The following PSD3 variants were observed in gnomAD, a reference collection of about 807,000 sequenced individuals.
PSD3 encodes PH and SEC7 domain-containing protein 3.
Under a neutral mutation model 105.5 loss-of-function variants are expected in PSD3, and 49 were observed. That is an observed-to-expected ratio of 0.46 (90% CI 0.37 to 0.59). The LOEUF is 0.59. Among genes scored for constraint, PSD3 ranks in the 20% least tolerant of loss-of-function variants. The pLI is 0.00. For synonymous variants in PSD3, 557 were observed against 457.8 expected, an observed-to-expected ratio of 1.22 and a Z score of -2.77; for missense variants, 1,561 against 1,263.8, an observed-to-expected ratio of 1.24 and a Z score of -3.57.
At chr8:18,772,476 T>C (rs1807630090) in intron 8 of PSD3, among the ~76,000 whole-genome samples, 1 of 152,196 alleles carries the variant, frequency 6.6e-6, no homozygotes, top group South Asian at 2.1e-4. Context: ...GATTAGAGAA[T>C]GTTGAGTATG....
intron 4 of PSD3, among the ~76,000 whole-genome samples, chr8:18,818,604 G>T (rs547418512): frequency 1.4e-4 from 21 of 152,104 alleles, no homozygotes; most frequent in African/African-American, 4.8e-4. Flanking sequence ...GCACAAGACA[G>T]GACAATCTGC....
rs71217391 is a variant in PSD3, at chr8:18,616,628, C to CTTTTTTTTTTTTTTTTTTTT, written c.2410+15984_2410+15985insAAAAAAAAAAAAAAAAAAAA. 4.7e-5 allele frequency among the ~76,000 whole-genome samples: 6 copies of CTTTTTTTTTTTTTTTTTTTT among 126,776 alleles called. 1 individual carries two copies. The highest frequency in any genetic ancestry group is 2.2e-4 in the East Asian group (1 of 4,512). 83.2% of individuals were successfully genotyped at this position (126,776 alleles called of 152,430 possible). The stretch of plus-strand genomic sequence containing the variant: ...GCCTCATCTTCCTCTCTTTTCTTTT[C>CTTTTTTTTTTTTTTTTTTTT]TTTTTTTTTTTTTGAGACGGAGTCT... On this transcript the variant is annotated intron_variant, in intron 11 of 15. Coordinates refer to ENST00000327040, the MANE Select transcript of PSD3 (RefSeq NM_015310.4).
At chr8:19,027,211 A>G (rs1827588470) in intron 1 of PSD3, among the ~76,000 whole-genome samples, 1 of 152,160 alleles carries the variant, frequency 6.6e-6, no homozygotes, top group South Asian at 2.1e-4. Flanking sequence ...GAGGTCTCCA[A>G]GGGAAAAAAA....
At chr8:18,666,216 T>C (rs1329734658) in intron 9 of PSD3, among the ~76,000 whole-genome samples, 1 of 152,172 alleles carries the variant, frequency 6.6e-6, no homozygotes, top group East Asian at 1.9e-4. Context: ...GTGTCCTGTT[T>C]ATTTTTGTAT....
chr8:18,547,598 A>C (rs1014126114), intron 15 of PSD3, among the ~76,000 whole-genome samples: 2 of 152,036 alleles, frequency 1.3e-5, no homozygotes, highest in African/African-American at 2.4e-5. Flanking sequence ...GCTACACTTT[A>C]ATGCTTTCCC....
chr8:18,572,281 C>G (rs1453271144), intron 14 of PSD3, among the ~76,000 whole-genome samples: 2 of 152,120 alleles, frequency 1.3e-5, no homozygotes, highest in Non-Finnish European at 2.9e-5. Flanking sequence ...TCATAATGAA[C>G]TAATATAAAC....
At position 18,600,262 on chromosome 8, in the gene PSD3, A is replaced by G. The variant is rs1204998625; in HGVS notation, c.2481+102T>C. ...TTAACATCAGCAAACAAACTGCAGA[A>G]AGTGAAACCACAGATAAGGGAGACT... On this transcript the variant is annotated intron_variant, in intron 12 of 15. Coordinates refer to ENST00000327040, the MANE Select transcript of PSD3 (RefSeq NM_015310.4). 1.0e-5 allele frequency: 11 copies of G among 1,095,838 alleles called. No individual in the cohort carries two copies. The Middle Eastern group carries it at 8.3e-4, about 82-fold the overall frequency. The allele number at this position is 1,095,838 out of a possible 1,614,324, so 67.9% of individuals were successfully genotyped here.
In PSD3 at chr8:18,683,678, C is replaced by T. The variant is rs1800504491; in HGVS notation, c.2173-27993G>A. On this transcript the variant is annotated intron_variant, in intron 9 of 15. Coordinates refer to ENST00000327040, the MANE Select transcript of PSD3 (RefSeq NM_015310.4). ...CATTTTATACTCCTCGTTACTTTCT[C>T]AGTCTATCACTGCACATTAGACACT... 1.0e-5 allele frequency: 7 copies of T among 674,358 alleles called. 1 individual carries two copies. The highest frequency in any genetic ancestry group is 1.9e-5 in the Non-Finnish European group (7 of 370,332). The allele number at this position is 674,358 out of a possible 1,614,324, so 41.8% of individuals were successfully genotyped here. A position where few individuals can be genotyped will look rare whatever the true frequency, so the allele number is the denominator to read the frequency against.
chr8:18,992,282 G>A (rs1323160410), intron 1 of PSD3, among the ~76,000 whole-genome samples: 1 of 149,308 alleles, frequency 6.7e-6, no homozygotes, highest in Non-Finnish European at 1.5e-5. Context: ...AACTCCCAGG[G>A]AATCCTTTTA....
chr8:18,661,868 C>A (rs192869976), intron 9 of PSD3, among the ~76,000 whole-genome samples: 1 of 152,142 alleles, frequency 6.6e-6, no homozygotes, highest in Non-Finnish European at 1.5e-5. Context: ...TCTCCCGTAC[C>A]CACTGGACAG....
intron 1 of PSD3, among the ~76,000 whole-genome samples, chr8:18,987,833 A>G (rs1447207750): frequency 6.6e-6 from 1 of 152,196 alleles, no homozygotes; most frequent in Non-Finnish European, 1.5e-5. Flanking sequence ...AAAAAGAAAG[A>G]AAATAATAAA....
intron 4 of PSD3, among the ~76,000 whole-genome samples, chr8:18,847,491 G>A (rs902355465): frequency 6.6e-6 from 1 of 152,160 alleles, no homozygotes; most frequent in African/African-American, 2.4e-5. Flanking sequence ...TATTCTACCT[G>A]CTCCAATCCC....
At position 18,556,349 on chromosome 8, in the gene PSD3, C is replaced by T. The variant is rs1271696338; in HGVS notation, c.2788G>A (p.Glu930Lys). The change falls in exon 15 of 16, where the codon GAG becomes AAG. Residue 930 changes from glutamate to lysine, a missense_variant. By Grantham distance (56) the Glu-to-Lys change is moderately conservative. Transcript: ENST00000327040. ...PATTTKLSQE[E>K]QLKSHESKLK... Reference sequence around the variant, plus strand: ...TTACTTTCATGTGACTTCAGTTGCTCCTCCTGCAGGAAATCATGATGCCAT... The same window carrying T: ...TTACTTTCATGTGACTTCAGTTGCTTCTCCTGCAGGAAATCATGATGCCAT... 8 of 1,611,346 alleles carry T rather than the reference C, an allele frequency of 5.0e-6. No homozygotes were observed. Among genetic ancestry groups the T allele is most frequent in the Non-Finnish European group, 5.9e-6 (7 of 1,179,152 alleles).
At chr8:18,929,776 C>T (rs1305293896) in intron 2 of PSD3, among the ~76,000 whole-genome samples, 6 of 151,918 alleles carry the variant, frequency 3.9e-5, no homozygotes, top group Non-Finnish European at 8.8e-5. Flanking sequence ...AACAACTGAC[C>T]CTCGATGAAG....
intron 2 of PSD3, among the ~76,000 whole-genome samples, chr8:18,883,709 C>T (rs1436223566): frequency 2.6e-5 from 4 of 152,044 alleles, no homozygotes; most frequent in African/African-American, 4.8e-5. Flanking sequence ...TCTTTGGATG[C>T]GTTGCTTTTA....
At chr8:18,930,643 C>T (rs1821687196) in intron 2 of PSD3, among the ~76,000 whole-genome samples, 1 of 149,890 alleles carries the variant, frequency 6.7e-6, no homozygotes, top group Admixed American at 6.7e-5. Context: ...GATCTCAGCT[C>T]ACTGCAACCC....
chr8:18,774,507 C>CTT, intron 8 of PSD3: 1 of 245,230 alleles, frequency 4.1e-6, no homozygotes, highest in South Asian at 5.3e-5. Context: ...AACCTAACAC[C>CTT]TTTTTTTTTC....
At chr8:18,857,521 ATC>A (rs1816115130) in intron 4 of PSD3, among the ~76,000 whole-genome samples, 1 of 152,162 alleles carries the variant, frequency 6.6e-6, no homozygotes, top group African/African-American at 2.4e-5. Context: ...AACAAATAGA[ATC>A]TCTGACGGTG....
chr8:18,578,945 G>A (rs1002681126), intron 12 of PSD3, among the ~76,000 whole-genome samples: 3 of 152,016 alleles, frequency 2.0e-5, no homozygotes, highest in Non-Finnish European at 2.9e-5. Context: ...TTTAATTAGG[G>A]CTAAACTGAA....
Sources: allele counts gnomAD v4.1 joint callset (sites outside exome capture counted in the v4.1 genomes callset), GRCh38; gene constraint gnomAD v4.1.1; transcripts MANE v1.5; gene names NCBI Gene and HGNC (gene_info 2026-07-23, HGNC 2026-07-21).